Variants in PCNP observed in about 807,000 individuals in gnomAD.
PCNP encodes PEST proteolytic signal containing nuclear protein.
In PCNP, 6 loss-of-function variants were observed where a neutral mutation model predicts 21.8. That is an observed-to-expected ratio of 0.28 (90% confidence interval 0.15 to 0.54). The LOEUF (loss-of-function observed/expected upper bound fraction) is 0.54. Ranked by LOEUF, PCNP falls within the 20% of genes least tolerant of loss-of-function variation. The probability of loss-of-function intolerance (pLI) is 0.95; values close to 1 mark genes in which losing one functional copy is unlikely to be tolerated. For synonymous variants in PCNP, 67 were observed against 73.2 expected (o/e 0.92, Z 0.43); for missense variants, 161 against 215.5 (o/e 0.75, Z 1.58).
intron 1 of PCNP, among the ~76,000 whole-genome samples, chr3:101,579,361 A>C (rs1935106428): frequency 6.6e-6 from 1 of 152,190 alleles, no homozygotes; most frequent in Non-Finnish European, 1.5e-5. Context: ...TATGATTATT[A>C]CATTACTGAA....
chr3:101,590,339 A>G, intron 4 of PCNP, 69 bp downstream of exon 4: 2 of 829,660 alleles, frequency 2.4e-6, no homozygotes, highest in South Asian at 1.5e-5. Flanking sequence ...CTTGCACATG[A>G]TTTCTTACAG....
chr3:101,584,312 A>T lies in PCNP; in HGVS notation c.280-1125A>T, dbSNP rs73863359. 8.5e-3 allele frequency among the ~76,000 whole-genome samples: 1,296 copies of T among 152,160 alleles called. 25 individuals carry two copies. The highest frequency in any genetic ancestry group is 0.029 in the African/African-American group (1,212 of 41,492). On this transcript the variant is annotated intron_variant, in intron 2 of 4. Coordinates refer to ENST00000265260, the MANE Select transcript of PCNP (RefSeq NM_020357.3). The stretch of plus-strand genomic sequence containing the variant: ...CTGGTTGTCTGCTAATTTAAAAAAA[A>T]ATTTTTTTAGAGATGGGGGACTTGC...
intron 3 of PCNP, among the ~76,000 whole-genome samples, chr3:101,585,981 G>T (rs980483847): frequency 2.0e-5 from 3 of 151,954 alleles, no homozygotes; most frequent in African/African-American, 7.3e-5. Flanking sequence ...GACCAGCCTG[G>T]CCAATATGGT....
At chr3:101,591,727 A>G (rs901625987) in intron 4 of PCNP, among the ~76,000 whole-genome samples, 16 of 149,100 alleles carry the variant, frequency 1.1e-4, no homozygotes, top group African/African-American at 3.4e-4. Flanking sequence ...AATGGATTAC[A>G]GGCAACAGGT....
intron 2 of PCNP, among the ~76,000 whole-genome samples, chr3:101,583,801 C>T (rs1317413699): frequency 6.6e-6 from 1 of 151,276 alleles, no homozygotes; most frequent in Non-Finnish European, 1.5e-5. Flanking sequence ...GTGTGCATCA[C>T]CACCATATCC....
chr3:101,581,339 A>G (rs1334676136), intron 2 of PCNP, among the ~76,000 whole-genome samples: 1 of 152,046 alleles, frequency 6.6e-6, no homozygotes, highest in African/African-American at 2.4e-5. Flanking sequence ...TCTACTATAG[A>G]TGGTCCCCTT....
At chr3:101,576,669 T>C (rs1576603723) in intron 1 of PCNP, 2 of 1,612,132 alleles carry the variant, frequency 1.2e-6, no homozygotes, top group Admixed American at 3.3e-5. Context: ...GGCTATATTT[T>C]CCATCCTTTA....
chr3:101,577,935 T>C (rs558404400), intron 1 of PCNP, among the ~76,000 whole-genome samples: 3 of 152,364 alleles, frequency 2.0e-5, no homozygotes, highest in Admixed American at 2.0e-4. Context: ...TTTGATTTCA[T>C]GTTAATTACA....
chr3:101,583,608 C>T (rs891693290), intron 2 of PCNP, among the ~76,000 whole-genome samples: 1 of 151,456 alleles, frequency 6.6e-6, no homozygotes, highest in Non-Finnish European at 1.5e-5. Flanking sequence ...AGAGTAAGAC[C>T]TTGTCTCAAA....
intron 1 of PCNP, among the ~76,000 whole-genome samples, chr3:101,577,215 C>CTTTT (rs1488415488): frequency 6.6e-6 from 1 of 152,070 alleles, no homozygotes; most frequent in Non-Finnish European, 1.5e-5. Context: ...TTTCTCCTCC[C>CTTTT]TTTGGTTAAA....
intron 4 of PCNP, among the ~76,000 whole-genome samples, chr3:101,591,366 A>C (rs942465224): frequency 6.7e-6 from 1 of 148,738 alleles, no homozygotes; most frequent in Non-Finnish European, 1.5e-5. Flanking sequence ...CTGAGTGGTA[A>C]ATCTTTTTCC....
At chr3:101,580,068 C>A (rs149859903) in intron 2 of PCNP, 64 bp downstream of exon 2, 7 of 1,158,382 alleles carry the variant, frequency 6.0e-6, no homozygotes, top group African/African-American at 1.5e-5. Context: ...GGAAACGTGG[C>A]GTTTACTAGG....
chr3:101,585,628 CTGTG>C, intron 3 of PCNP, 117 bp downstream of exon 3: 1 of 596,982 alleles, frequency 1.7e-6, no homozygotes, highest in Admixed American at 3.4e-5. Flanking sequence ...GTTTTTGTGT[CTGTG>C]TGTGACATCC....
chr3:101,582,652 T>C (rs1431796810), intron 2 of PCNP, among the ~76,000 whole-genome samples: 1 of 152,256 alleles, frequency 6.6e-6, no homozygotes, highest in Non-Finnish European at 1.5e-5. Flanking sequence ...AATCTCTAAC[T>C]GAACATGTTT....
At chr3:101,574,419 C>G in intron 1 of PCNP, 140 bp downstream of exon 1, 2 of 1,063,564 alleles carry the variant, frequency 1.9e-6, no homozygotes, top group Non-Finnish European at 2.6e-6. Context: ...AGACCTGCCT[C>G]GGGCACGCCC....
chr3:101,591,743 T>G (rs1935817800), intron 4 of PCNP, among the ~76,000 whole-genome samples: 1 of 150,164 alleles, frequency 6.7e-6, no homozygotes, highest in Non-Finnish European at 1.5e-5. Flanking sequence ...CAGGTTTTTT[T>G]GTTTTTTTGT....
intron 2 of PCNP, among the ~76,000 whole-genome samples, chr3:101,581,410 T>A (rs933754321): frequency 2.3e-4 from 35 of 151,690 alleles, no homozygotes; most frequent in Admixed American, 4.6e-4. Flanking sequence ...CTCTTTTTTT[T>A]AATTTATTTA....
chr3:101,590,655 C>T (rs1433525251), intron 4 of PCNP, among the ~76,000 whole-genome samples: 8 of 152,016 alleles, frequency 5.3e-5, no homozygotes, highest in Admixed American at 1.3e-4. Context: ...AGCTGCCCTC[C>T]CACCTCAGCC....
chr3:101,584,969 A>G (rs896307325), intron 2 of PCNP, among the ~76,000 whole-genome samples: 1 of 152,208 alleles, frequency 6.6e-6, no homozygotes, highest in Non-Finnish European at 1.5e-5. Flanking sequence ...ATGCCGCTGC[A>G]CTCCAGCCTG....
Sources: gnomAD v4.1 joint callset for allele counts (sites outside exome capture counted in the v4.1 genomes callset) on GRCh38, gnomAD v4.1.1 for gene constraint, MANE v1.5 for transcripts, NCBI Gene and HGNC (gene_info 2026-07-23, HGNC 2026-07-21) for gene names.